Variants in KLHL41 observed in about 807,000 individuals in gnomAD.
KLHL41 encodes kelch like family member 41.
In KLHL41, 31 loss-of-function variants were observed where a neutral mutation model predicts 49.2. The ratio of observed to expected loss-of-function variants is 0.63; its 90% confidence interval spans 0.47 to 0.85. The LOEUF is 0.85. Among genes scored for constraint, KLHL41 ranks in the 40% least tolerant of loss-of-function variants. The pLI is 0.00. For synonymous variants in KLHL41, 218 were observed against 258.5 expected (o/e 0.84, Z 1.50); for missense variants, 663 against 726.7 (o/e 0.91, Z 1.01).
rs28763868 is a variant in KLHL41, at chr2:169,510,589, G to A, written c.811G>A (p.Ala271Thr). 161,421 of 1,613,940 alleles carry A rather than the reference G, an allele frequency of 0.1. 8,852 individuals are homozygous for A. Among genetic ancestry groups the A allele is most frequent in the Non-Finnish European group, 0.11 (132,871 of 1,179,918 alleles). The part of the protein sequence containing the change: ...GKLPEPSKNA[A>T]KTGAGEVNGD... ...ACTCCCAGAACCTAGCAAAAATGCC[G>A]CGAAGACTGGGGCTGGTGAGGTGAA... The change falls in exon 1 of 6, where the codon GCG (alanine) becomes ACG (threonine). Residue 271 changes from alanine (A) to threonine (T), a missense_variant. Ala to Thr is a moderately conservative substitution (Grantham distance 58, BLOSUM62 0). Transcript: ENST00000284669. The surrounding 1 kb of genome is among the most constrained non-coding windows in gnomAD (Gnocchi z 4.2).
chr2:169,512,516 A>G (rs1684044641), intron 1 of KLHL41, among the ~76,000 whole-genome samples: 1 of 152,170 alleles, frequency 6.6e-6, no homozygotes. Flanking sequence ...TTTACTTTCA[A>G]GTGTTCAGTT....
chr2:169,525,200 C>G (rs527323911), intron 5 of KLHL41, among the ~76,000 whole-genome samples: 4 of 152,178 alleles, frequency 2.6e-5, no homozygotes, highest in African/African-American at 9.7e-5. Flanking sequence ...TTAAGTCTAC[C>G]GATAGTCCCT....
chr2:169,518,211 T>G lies in KLHL41; in HGVS notation c.1398T>G (p.Phe466Leu). ...ACAGAAAATGTACAAACAGGGTGTT[T>G]ATCTTCAACCCCAAAAAAGGAGATT... is the stretch of plus-strand genomic sequence containing the variant. Reference protein sequence around the residue: ...TDDKKCTNRVFIFNPKKGDWK... With the variant: ...TDDKKCTNRVLIFNPKKGDWK... The change falls in exon 4 of 6, where the codon TTT becomes TTG. Residue 466 changes from phenylalanine (F) to leucine (L), a missense_variant. Around this residue, in one of 3 missense-constraint regions of KLHL41, gnomAD observed 528 missense variants for 581.0 expected, o/e 0.91. Transcript: ENST00000284669. The G allele has an allele frequency of 6.2e-7, 1 of 1,613,196 alleles. No individual in the cohort carries two copies. Among genetic ancestry groups the G allele is most frequent in the South Asian group, 1.1e-5 (1 of 90,834 alleles).
At chr2:169,513,815 T>A (rs1684066876) in intron 1 of KLHL41, among the ~76,000 whole-genome samples, 1 of 152,146 alleles carries the variant, frequency 6.6e-6, no homozygotes, top group Non-Finnish European at 1.5e-5. Context: ...CAAAAGTAAG[T>A]GATGAAACAG....
chr2:169,525,508 C>A (rs1684289478), intron 5 of KLHL41, 77 bp from the exon 6 acceptor site: 6 of 867,308 alleles, frequency 6.9e-6, no homozygotes, highest in Non-Finnish European at 1.1e-5. Context: ...TTTCAAAGAT[C>A]CACATTTGTA....
rs1008735817 is a variant in KLHL41, at chr2:169,510,336, C to G, written c.558C>G (p.Asp186Glu). 40 of 1,613,914 alleles carry G rather than the reference C, an allele frequency of 2.5e-5. No homozygotes were observed. Among genetic ancestry groups the G allele is most frequent in the Non-Finnish European group, 3.1e-5 (37 of 1,180,010 alleles). Reference sequence around the variant, plus strand: ...AACTGATCTCAGTCATTTCAAATGACAGCCTAAATGTAGAAAAAGAAGAAG... The same window carrying G: ...AACTGATCTCAGTCATTTCAAATGAGAGCCTAAATGTAGAAAAAGAAGAAG... ...PQELISVISN[D>E]SLNVEKEEAV... Residue 186 changes from aspartate (D) to glutamate (E), a missense_variant, in exon 1 of 6, where the codon GAC becomes GAG. Around this residue, in one of 3 missense-constraint regions of KLHL41, gnomAD observed 528 missense variants for 581.0 expected, o/e 0.91. Transcript: ENST00000284669. This position sits in a 1 kb window ranked among gnomAD's most constrained non-coding sequence, Gnocchi z 4.2.
At chr2:169,525,017 T>TA (rs1684279803) in intron 5 of KLHL41, among the ~76,000 whole-genome samples, 1 of 152,182 alleles carries the variant, frequency 6.6e-6, no homozygotes, top group Admixed American at 6.5e-5. Flanking sequence ...TGTATCTTTA[T>TA]AACCTTGAAT....
intron 5 of KLHL41, 63 bp from the exon 6 acceptor site, chr2:169,525,522 T>C (rs1438607102): frequency 1.0e-6 from 1 of 1,002,644 alleles, no homozygotes; most frequent in Non-Finnish European, 1.6e-6. Context: ...ATTTGTATTC[T>C]GAACACAGGG....
chr2:169,522,658 T>C lies in KLHL41; in HGVS notation c.1709+1651T>C, dbSNP rs115639566. Among the ~76,000 whole-genome samples the C allele has an allele frequency of 8.4e-3, 1,257 of 149,600 alleles. 23 individuals carry two copies. Among genetic ancestry groups the C allele is most frequent in the African/African-American group, 0.029 (1,182 of 40,826 alleles). On this transcript the variant is annotated intron_variant, in intron 5 of 5. Transcript: ENST00000284669. ...AACACAGACCAATTATATCAAAATT[T>C]CTGGAGGTAGAGTTGAGCATCCCTA... is the stretch of plus-strand genomic sequence containing the variant.
At chr2:169,515,116 C>A (rs577751652) in intron 3 of KLHL41, among the ~76,000 whole-genome samples, 155 bp downstream of exon 3, 3 of 150,518 alleles carry the variant, frequency 2.0e-5, no homozygotes, top group Non-Finnish European at 4.4e-5. Flanking sequence ...TCACTGCAAC[C>A]GCCGCCTCCT....
In KLHL41 at chr2:169,520,932, A is replaced by G; in HGVS notation, c.1634A>G (p.Tyr545Cys). The change falls in exon 5 of 6, where the codon TAT becomes TGT. Residue 545 changes from tyrosine (Y) to cysteine (C), a missense_variant. Tyr to Cys is a radical substitution (Grantham distance 194). Transcript: ENST00000284669. ...TTGGTCAGCCTGGCTGGATCTCTGT[A>G]TGCAATTGGTGGTTTTGCTATGATT... ...ISLVSLAGSL[Y>C]AIGGFAMIQL... 1 of 1,613,916 alleles carries G rather than the reference A, an allele frequency of 6.2e-7. No individual in the cohort carries two copies. The highest frequency in any genetic ancestry group is 8.5e-7 in the Non-Finnish European group (1 of 1,179,790).
At chr2:169,522,705 ATTTTTTTTTTTTTTT>A (rs60635668) in intron 5 of KLHL41, among the ~76,000 whole-genome samples, 6 of 50,126 alleles carry the variant, frequency 1.2e-4, no homozygotes, top group East Asian at 1.5e-3. Context: ...CTTCCCAGTG[ATTTTTTTTTTTTTTT>A]TTTTTTTTTT....
intron 3 of KLHL41, among the ~76,000 whole-genome samples, chr2:169,516,605 T>C (rs898508968): frequency 1.3e-5 from 2 of 152,230 alleles, no homozygotes; most frequent in Non-Finnish European, 2.9e-5. Flanking sequence ...GAAATTGATA[T>C]GTCAGTAAGA....
At chr2:169,520,815 G>A (rs1009179518) in intron 4 of KLHL41, 46 bp from the exon 5 acceptor site, 14 of 1,391,758 alleles carry the variant, frequency 1.0e-5, no homozygotes, top group Non-Finnish European at 1.2e-5. Flanking sequence ...AGTACATCTG[G>A]CATTTCTTTA....
rs143199631 is a variant in KLHL41, at chr2:169,520,730, G to A, written c.1563-131G>A. ...AGCCTCCCAAAGTGCTGGGATTACC[G>A]GCATGAGCCACCGCGCCTGGCTGCC... On this transcript the variant is annotated intron_variant, in intron 4 of 5. Transcript: ENST00000284669. 421 of 682,302 alleles carry A rather than the reference G, an allele frequency of 6.2e-4. 2 individuals carry two copies. The African/African-American group carries it at 6.8e-3, about 11-fold the overall frequency. 42.3% of individuals were successfully genotyped at this position (682,302 alleles called of 1,614,324 possible).
intron 1 of KLHL41, among the ~76,000 whole-genome samples, chr2:169,512,410 G>T (rs1310704898): frequency 6.6e-6 from 1 of 152,130 alleles, no homozygotes; most frequent in Admixed American, 6.5e-5. Context: ...CAGATCCACG[G>T]AATAGTTGTT....
chr2:169,519,210 T>C (rs1475583597), intron 4 of KLHL41, among the ~76,000 whole-genome samples: 1 of 152,242 alleles, frequency 6.6e-6, no homozygotes, highest in Non-Finnish European at 1.5e-5. Flanking sequence ...CTATTCTTCA[T>C]ATAAAATTGG....
At chr2:169,521,380 A>T (rs1162687842) in intron 5 of KLHL41, among the ~76,000 whole-genome samples, 4 of 152,188 alleles carry the variant, frequency 2.6e-5, no homozygotes, top group African/African-American at 9.6e-5. Context: ...TCTAAAAAAA[A>T]TTTTATGTTT....
chr2:169,511,251 T>A (rs1170826629), intron 1 of KLHL41, among the ~76,000 whole-genome samples: 14 of 152,190 alleles, frequency 9.2e-5, no homozygotes. Flanking sequence ...GCTCTCACTA[T>A]GTTGCCCCGG....
Sources: allele counts gnomAD v4.1 joint callset (sites outside exome capture counted in the v4.1 genomes callset), GRCh38; gene constraint gnomAD v4.1.1; regional missense constraint gnomAD v4.1.1; non-coding constraint Gnocchi (gnomAD v3.1); transcripts MANE v1.5; gene names NCBI Gene and HGNC (gene_info 2026-07-23, HGNC 2026-07-21).